KDM4C: variants seen among roughly 807,000 people sequenced by gnomAD.
The protein encoded by KDM4C is lysine-specific demethylase 4C.
In KDM4C, 81 loss-of-function variants were observed where a neutral mutation model predicts 129.3. That is an observed-to-expected ratio of 0.63 (90% CI 0.52 to 0.75). KDM4C has a LOEUF of 0.75. Among genes scored for constraint, KDM4C ranks in the 30% least tolerant of loss-of-function variants. The probability of loss-of-function intolerance (pLI) is 0.00; values close to 1 mark genes in which losing one functional copy is unlikely to be tolerated. For synonymous variants in KDM4C, 573 were observed against 456.1 expected (o/e 1.26, Z -3.26); for missense variants, 1,457 against 1,304.0 (o/e 1.12, Z -1.81).
chr9:7,159,346 T>C (rs1212516129), intron 19 of KDM4C, among the ~76,000 whole-genome samples: 4 of 152,238 alleles, frequency 2.6e-5, no homozygotes, highest in African/African-American at 9.6e-5. Flanking sequence ...AGGTTAATAT[T>C]GTTATGTGTG....
At chr9:6,881,163 C>T (rs1473933737) in intron 6 of KDM4C, among the ~76,000 whole-genome samples, 1 of 152,158 alleles carries the variant, frequency 6.6e-6, no homozygotes, top group Non-Finnish European at 1.5e-5. Context: ...CATTGCTTGA[C>T]TTGACAGTTT....
intron 21 of KDM4C, among the ~76,000 whole-genome samples, chr9:7,174,284 ACGAGAAGACTTTAAT>A (rs1422198545): frequency 6.6e-6 from 1 of 152,202 alleles, no homozygotes; most frequent in Non-Finnish European, 1.5e-5. Context: ...GAAGTTTAAA[ACGAGAAGACTTTAAT>A]CTTGCTTTTG....
At position 7,031,959 on chromosome 9, in the gene KDM4C, T is replaced by A. The variant is rs2132371765; in HGVS notation, c.2260-14903T>A. The stretch of plus-strand genomic sequence containing the variant: ...TAAGTGACTTGTTGAAAAATATTTA[T>A]CAGACCTCTGGAACTTTGGAGTATA... On this transcript the variant is annotated intron_variant, in intron 15 of 21. Coordinates refer to ENST00000381309, the MANE Select transcript of KDM4C (RefSeq NM_015061.6). Among the ~76,000 whole-genome samples the A allele has an allele frequency of 2.6e-5, 4 of 152,354 alleles. No homozygotes were observed. The Middle Eastern group carries it at 0.01, about 389-fold the overall frequency.
Position 6,814,685 on chromosome 9 carries a change from G to C in KDM4C, c.375G>C (p.Lys125Asn), listed in dbSNP as rs745477840. 6.2e-7 allele frequency: 1 copy of C among 1,611,778 alleles called. No homozygotes were observed. The highest frequency in any genetic ancestry group is 8.5e-7 in the Non-Finnish European group (1 of 1,178,856). The change falls in exon 4 of 22, where the codon AAG (lysine) becomes AAC (asparagine). Residue 125 changes from lysine (K) to asparagine (N), a missense_variant. By Grantham distance (94) the Lys-to-Asn change is moderately conservative. Coordinates refer to ENST00000381309, the MANE Select transcript of KDM4C (RefSeq NM_015061.6). The stretch of plus-strand genomic sequence containing the variant: ...AAGATTTGGAGCGCAAGTACTGGAA[G>C]AACTTAACTTTTGTGGCACCTATCT... The part of the protein sequence containing the change: ...DYEDLERKYW[K>N]NLTFVAPIYG...
chr9:7,066,371 A>C (rs2132747436), intron 17 of KDM4C, among the ~76,000 whole-genome samples: 1 of 152,322 alleles, frequency 6.6e-6, no homozygotes, highest in Middle Eastern at 3.4e-3. Flanking sequence ...TTCTTTTGGT[A>C]GTTTTGGAAG....
chr9:7,122,513 GAA>G (rs1363336331), intron 18 of KDM4C, among the ~76,000 whole-genome samples: 1 of 152,092 alleles, frequency 6.6e-6, no homozygotes, highest in Non-Finnish European at 1.5e-5. Context: ...TGAGATCTTG[GAA>G]AAGTCACTTG....
chr9:7,128,324 G>T, intron 19 of KDM4C, 88 bp downstream of exon 19: 1 of 1,053,000 alleles, frequency 9.5e-7, no homozygotes, highest in Non-Finnish European at 1.3e-6. Context: ...TTTTCTTTTG[G>T]CTTTTTGAGT....
intron 17 of KDM4C, among the ~76,000 whole-genome samples, chr9:7,050,193 G>T (rs1301944376): frequency 6.6e-6 from 1 of 151,978 alleles, no homozygotes; most frequent in Non-Finnish European, 1.5e-5. Flanking sequence ...CCTCCATCAA[G>T]AATTTCACTT....
Position 6,970,835 on chromosome 9 carries a change from ACCT to A in KDM4C, c.922-10085_922-10083del, listed in dbSNP as rs1419147701. Among the ~76,000 whole-genome samples the A allele has an allele frequency of 7.3e-5, 8 of 109,460 alleles. No homozygotes were observed. The East Asian group carries it at 2.2e-3, about 30-fold the overall frequency. The allele number at this position is 109,460 out of a possible 152,430, so 71.8% of individuals were successfully genotyped here. On this transcript the variant is annotated intron_variant, in intron 8 of 21. Coordinates refer to ENST00000381309, the MANE Select transcript of KDM4C (RefSeq NM_015061.6). ...CCCACCCCGGTCTCACCCCCAGGGTACCTCCTCTTAGGAACAACTCATGGAATG... is the reference window on the plus strand; with the variant it reads ...CCCACCCCGGTCTCACCCCCAGGGTACCTCTTAGGAACAACTCATGGAATG...
At chr9:7,159,216 T>C (rs1564191864) in intron 19 of KDM4C, among the ~76,000 whole-genome samples, 1 of 152,210 alleles carries the variant, frequency 6.6e-6, no homozygotes, top group Non-Finnish European at 1.5e-5. Context: ...ATTTTGTACC[T>C]GTGTGTGTCT....
chr9:6,934,534 TCTC>T (rs1824379465), intron 8 of KDM4C, among the ~76,000 whole-genome samples: 1 of 138,342 alleles, frequency 7.2e-6, no homozygotes, highest in Non-Finnish European at 1.7e-5. Flanking sequence ...TTATATCCTC[TCTC>T]TTTTTTTTTG....
intron 18 of KDM4C, among the ~76,000 whole-genome samples, chr9:7,106,078 A>G (rs1040557457): frequency 2.6e-5 from 4 of 152,092 alleles, no homozygotes; most frequent in African/African-American, 4.8e-5. Context: ...TGTATTTCCC[A>G]AGTATATTTC....
intron 1 of KDM4C, among the ~76,000 whole-genome samples, chr9:6,760,566 A>ATTTG (rs1355695794): frequency 6.7e-6 from 1 of 148,844 alleles, no homozygotes; most frequent in African/African-American, 2.5e-5. Flanking sequence ...TTATTTATTT[A>ATTTG]TTTATTTATT....
chr9:6,912,136 A>G (rs1819429719), intron 8 of KDM4C, among the ~76,000 whole-genome samples: 1 of 152,176 alleles, frequency 6.6e-6, no homozygotes, highest in Admixed American at 6.5e-5. Flanking sequence ...AGGGGCCTTC[A>G]TGGTGCCTTG....
chr9:7,001,088 A>G (rs1382505326), intron 12 of KDM4C, among the ~76,000 whole-genome samples: 1 of 152,090 alleles, frequency 6.6e-6, no homozygotes, highest in African/African-American at 2.4e-5. Context: ...TCAGCATTTT[A>G]ATTTTCATAG....
chr9:7,139,791 AG>A (rs1841561243), intron 19 of KDM4C, among the ~76,000 whole-genome samples: 1 of 152,182 alleles, frequency 6.6e-6, no homozygotes, highest in Admixed American at 6.5e-5. Flanking sequence ...TTATGTAAGC[AG>A]TGGTAGTTGT....
chr9:6,863,090 T>G (rs908381381), intron 5 of KDM4C, among the ~76,000 whole-genome samples: 42 of 152,146 alleles, frequency 2.8e-4, no homozygotes, highest in African/African-American at 9.9e-4. Flanking sequence ...TCTGTTACCT[T>G]AAATATTTAA....
intron 19 of KDM4C, among the ~76,000 whole-genome samples, chr9:7,139,821 A>G (rs893275644): frequency 3.3e-5 from 5 of 152,186 alleles, no homozygotes; most frequent in African/African-American, 7.2e-5. Context: ...GTCTGCAGCA[A>G]CCTCAATTCT....
intron 17 of KDM4C, among the ~76,000 whole-genome samples, chr9:7,085,926 CA>C (rs1835062138): frequency 6.6e-6 from 1 of 152,062 alleles, no homozygotes; most frequent in South Asian, 2.1e-4. Context: ...GAGGCCGAGG[CA>C]GGTGGATCGC....
Sources: allele counts gnomAD v4.1 joint callset (sites outside exome capture counted in the v4.1 genomes callset), GRCh38; gene constraint gnomAD v4.1.1; transcripts MANE v1.5; gene names NCBI Gene and HGNC (gene_info 2026-07-23, HGNC 2026-07-21).